Variants in NTRK3 observed in about 807,000 individuals in gnomAD.
NTRK3 encodes the protein NT-3 growth factor receptor.
In NTRK3, 24 loss-of-function variants were observed where a neutral mutation model predicts 91.7. That is an observed-to-expected ratio of 0.26 (90% CI 0.19 to 0.37). The LOEUF (loss-of-function observed/expected upper bound fraction) is 0.37, where lower values mean the gene tolerates loss of function less well. Ranked by LOEUF, NTRK3 falls within the 10% of genes least tolerant of loss-of-function variation. The pLI, the probability that NTRK3 is intolerant of heterozygous loss-of-function variation, is 1.00. For missense variants in NTRK3, 880 were observed against 1,068.9 expected (o/e 0.82, Z 2.46); for synonymous variants, 483 against 404.0 (o/e 1.20, Z -2.34).
intron 14 of NTRK3, among the ~76,000 whole-genome samples, chr15:88,008,195 A>G (rs547484853): frequency 4.6e-5 from 7 of 152,174 alleles, no homozygotes; most frequent in East Asian, 1.9e-4. Context: ...AGAACCTTAG[A>G]GCATAACAGG....
exon 19 of NTRK3, chr15:87,868,117 T>C (rs1258375250): frequency 2.6e-5 from 6 of 231,766 alleles, no homozygotes; most frequent in Non-Finnish European, 5.1e-5. Context: ...GCGACACAAA[T>C]GGGGCATATG....
intron 13 of NTRK3, among the ~76,000 whole-genome samples, chr15:88,049,846 T>C (rs2080636452): frequency 1.3e-5 from 2 of 152,222 alleles, no homozygotes; most frequent in Non-Finnish European, 2.9e-5. Flanking sequence ...CGAAGATGGT[T>C]CAGAATCAAT....
intron 3 of NTRK3, among the ~76,000 whole-genome samples, chr15:88,227,547 GA>G (rs1290272607): frequency 6.6e-6 from 1 of 152,166 alleles, no homozygotes; most frequent in Non-Finnish European, 1.5e-5. Context: ...GGGGCAGCAA[GA>G]AGGCCGCCAT....
chr15:87,891,167 G>C (rs939281667), intron 17 of NTRK3, among the ~76,000 whole-genome samples: 9 of 152,056 alleles, frequency 5.9e-5, no homozygotes, highest in South Asian at 2.1e-4. Context: ...CTAATAATAT[G>C]ATTACTGAAA....
At chr15:88,136,388 G>C in intron 8 of NTRK3, 79 bp downstream of exon 8, 4 of 1,587,818 alleles carry the variant, frequency 2.5e-6, no homozygotes. Flanking sequence ...TAACAAGACC[G>C]CAAATTTTCC....
chr15:87,996,313 T>C lies in NTRK3; in HGVS notation c.1585+36544A>G, dbSNP rs146302954. ...AAGAGTTGTACAGAAACAGGCTGGA[T>C]TGGGCTTGCAGGCTATAGTTTGTGG... On this transcript the variant is annotated intron_variant, in intron 14 of 18. Coordinates refer to ENST00000394480, the Ensembl canonical transcript of NTRK3. 4.6e-5 allele frequency among the ~76,000 whole-genome samples: 7 copies of C among 152,196 alleles called. No individual in the cohort carries two copies. The East Asian group carries it at 9.7e-4, about 21-fold the overall frequency.
At chr15:88,067,200 C>T (rs1281280090) in intron 13 of NTRK3, among the ~76,000 whole-genome samples, 1 of 152,126 alleles carries the variant, frequency 6.6e-6, no homozygotes, top group Non-Finnish European at 1.5e-5. Flanking sequence ...TCAGCACAGC[C>T]CCTCAGAGTT....
intron 13 of NTRK3, among the ~76,000 whole-genome samples, chr15:88,064,800 C>G (rs1009056979): frequency 6.6e-6 from 1 of 152,210 alleles, no homozygotes; most frequent in Admixed American, 6.5e-5. Context: ...CTGTTCTTCA[C>G]TTTAGGGCTC....
At position 88,235,937 on chromosome 15, in the gene NTRK3, T is replaced by C. The variant is rs959799475; in HGVS notation, c.248+19969A>G. Among the ~76,000 whole-genome samples the C allele has an allele frequency of 6.6e-6, 1 of 152,228 alleles. No individual in the cohort carries two copies. Among genetic ancestry groups the C allele is most frequent in the African/African-American group, 2.4e-5 (1 of 41,452 alleles). ...TCTGCAAGGCAAAGATACAAGGTCC[T>C]GTTTCGATGAGTCACATAAATGTGT... On this transcript the variant is annotated intron_variant, in intron 3 of 18. Transcript: ENST00000394480. This position sits in a 1 kb window ranked among gnomAD's most constrained non-coding sequence, Gnocchi z 5.2.
Position 87,882,319 on chromosome 15 carries a change from A to G in NTRK3, c.2134-1891T>C, listed in dbSNP as rs1379361265. On this transcript the variant is annotated intron_variant, in intron 17 of 18. Transcript: ENST00000394480. Reference sequence around the variant, plus strand: ...GAAAGCTTACCACTCACATCCTTTCAGAAAATATAGGAGCCAAGCTAATTG... The same window carrying G: ...GAAAGCTTACCACTCACATCCTTTCGGAAAATATAGGAGCCAAGCTAATTG... Among the ~76,000 whole-genome samples the G allele has an allele frequency of 2.6e-5, 4 of 152,242 alleles. No homozygotes were observed. The East Asian group carries it at 7.7e-4, about 29-fold the overall frequency.
intron 14 of NTRK3, among the ~76,000 whole-genome samples, chr15:87,954,283 T>C (rs1299842692): frequency 6.6e-6 from 1 of 152,160 alleles, no homozygotes; most frequent in Non-Finnish European, 1.5e-5. Flanking sequence ...ACACCAGCTC[T>C]TTACCCTAGA....
intron 13 of NTRK3, among the ~76,000 whole-genome samples, chr15:88,118,630 T>C (rs2052366163): frequency 6.6e-6 from 1 of 152,224 alleles, no homozygotes; most frequent in Admixed American, 6.5e-5. Context: ...ACTATTATTC[T>C]TAGCTTTTAA....
intron 17 of NTRK3, among the ~76,000 whole-genome samples, chr15:87,890,939 A>C (rs1421437424): frequency 1.3e-5 from 2 of 152,156 alleles, no homozygotes; most frequent in African/African-American, 4.8e-5. Flanking sequence ...GCTAGGAAAA[A>C]AATTTCTTAA....
At position 88,234,076 on chromosome 15, in the gene NTRK3, C is replaced by T. The variant is rs1235345274; in HGVS notation, c.248+21830G>A. On this transcript the variant is annotated intron_variant, in intron 3 of 18. Transcript: ENST00000394480. This position sits in a 1 kb window ranked among gnomAD's most constrained non-coding sequence, Gnocchi z 6.1. Reference sequence around the variant, plus strand: ...CTCTCGGGTGGGACCAAGCCTTCTTCTCATGGCAAAGGAGGTCCACAGTCA... The same window carrying T: ...CTCTCGGGTGGGACCAAGCCTTCTTTTCATGGCAAAGGAGGTCCACAGTCA... Among the ~76,000 whole-genome samples the T allele has an allele frequency of 1.3e-5, 2 of 152,190 alleles. No individual in the cohort carries two copies. Among genetic ancestry groups the T allele is most frequent in the Non-Finnish European group, 2.9e-5 (2 of 68,040 alleles).
At chr15:87,876,013 G>C (rs1219071001) in exon 19 of NTRK3, 1 of 232,600 alleles carries the variant, frequency 4.3e-6, no homozygotes, top group Admixed American at 5.6e-5. Context: ...TGGGAGGTGA[G>C]GCCAAGGAAT....
intron 17 of NTRK3, among the ~76,000 whole-genome samples, chr15:87,889,522 T>C (rs1016087241): frequency 6.7e-6 from 1 of 150,186 alleles, no homozygotes; most frequent in Non-Finnish European, 1.5e-5. Flanking sequence ...CTCCTCCTTC[T>C]GCCTCCTGAG....
At chr15:87,934,604 A>C (rs2141971286) in intron 15 of NTRK3, among the ~76,000 whole-genome samples, 1 of 152,286 alleles carries the variant, frequency 6.6e-6, no homozygotes, top group African/African-American at 2.4e-5. Flanking sequence ...GGGTCCATCA[A>C]ACCTCTCAGC....
At chr15:87,963,025 T>C (rs1431703082) in intron 14 of NTRK3, among the ~76,000 whole-genome samples, 2 of 152,250 alleles carry the variant, frequency 1.3e-5, no homozygotes, top group Non-Finnish European at 2.9e-5. Context: ...GATAATGACC[T>C]CTGCATTCAA....
rs1220485011 is a variant in NTRK3, at chr15:87,912,929, AAAATATATAT to A, written c.2133+16252_2133+16261del. Among the ~76,000 whole-genome samples, 81 of 15,088 alleles carry A rather than the reference AAAATATATAT, an allele frequency of 5.4e-3. 3 individuals carry two copies. The highest frequency in any genetic ancestry group is 7.4e-3 in the Non-Finnish European group (64 of 8,680). The allele number at this position is 15,088 out of a possible 152,430, so 9.9% of individuals were successfully genotyped here. On this transcript the variant is annotated intron_variant, in intron 17 of 18. Transcript: ENST00000394480. ...TGTTCAACTTTTCAAAAAGTAAAAA[AAAATATATAT>A]ATATATATATATATATATATATATA...
Sources: gnomAD v4.1 joint callset for allele counts (sites outside exome capture counted in the v4.1 genomes callset) on GRCh38, gnomAD v4.1.1 for gene constraint, Gnocchi (gnomAD v3.1) non-coding constraint, MANE v1.5 for transcripts, NCBI Gene and HGNC (gene_info 2026-07-23, HGNC 2026-07-21) for gene names.